Variants in STK4 observed in about 807,000 individuals in gnomAD.
The protein encoded by STK4 is serine/threonine kinase 4, also known as serine/threonine-protein kinase 4.
In STK4, 30 loss-of-function variants were observed where a neutral mutation model predicts 64.9. The observed-to-expected ratio is 0.46, with a 90% confidence interval of 0.35 to 0.63. The LOEUF (loss-of-function observed/expected upper bound fraction) is 0.63. Ranked by LOEUF, STK4 falls within the 20% of genes least tolerant of loss-of-function variation. The pLI is 0.01. For synonymous variants in STK4, 177 were observed against 199.0 expected (o/e 0.89, Z 0.93); for missense variants, 466 against 598.5 (o/e 0.78, Z 2.31).
chr20:45,062,843 A>ATTTTTTTTT (rs35335969), intron 10 of STK4, among the ~76,000 whole-genome samples: 153 of 106,158 alleles, frequency 1.4e-3, no homozygotes, highest in Non-Finnish European at 1.9e-3. Context: ...ACGCCCGGCT[A>ATTTTTTTTT]TTTTTTTTTT....
intron 10 of STK4, among the ~76,000 whole-genome samples, chr20:45,032,014 T>A (rs926357738): frequency 6.6e-6 from 1 of 152,074 alleles, no homozygotes; most frequent in African/African-American, 2.4e-5. Context: ...CTAGAAGATG[T>A]AAGTCATGCA....
intron 1 of STK4, among the ~76,000 whole-genome samples, chr20:44,969,146 C>T (rs1470381953): frequency 6.6e-6 from 1 of 152,162 alleles, no homozygotes; most frequent in Non-Finnish European, 1.5e-5. Flanking sequence ...TCTTTAAAGG[C>T]CTTGTCTCCA....
intron 3 of STK4, among the ~76,000 whole-genome samples, chr20:44,979,770 CT>C (rs796438717): frequency 1.8e-4 from 27 of 151,004 alleles, no homozygotes; most frequent in African/African-American, 5.4e-4. Flanking sequence ...TCTCTCCCTT[CT>C]TTTTTTTTCC....
intron 5 of STK4, among the ~76,000 whole-genome samples, chr20:44,989,881 A>G (rs6103950): frequency 0.065 from 9,869 of 152,164 alleles, 1,054 homozygotes; most frequent in African/African-American, 0.22. Context: ...TATGCCTTCA[A>G]TTCTATTCCA....
At chr20:45,002,901 GA>G (rs566741011) in intron 9 of STK4, among the ~76,000 whole-genome samples, 15 of 151,084 alleles carry the variant, frequency 9.9e-5, no homozygotes, top group Middle Eastern at 6.8e-3. Flanking sequence ...TTTTGGGCAA[GA>G]TTTTTTTTTT....
chr20:45,022,264 T>C (rs143597360), intron 9 of STK4, among the ~76,000 whole-genome samples: 1 of 152,214 alleles, frequency 6.6e-6, no homozygotes, highest in Non-Finnish European at 1.5e-5. Context: ...ATAAAAAAAA[T>C]TCTCTTTTTA....
intron 10 of STK4, among the ~76,000 whole-genome samples, chr20:45,032,436 C>G (rs2068460909): frequency 6.6e-6 from 1 of 152,104 alleles, no homozygotes; most frequent in Non-Finnish European, 1.5e-5. Flanking sequence ...CCTCTGCCCT[C>G]AAGGAAGCCC....
At chr20:44,967,444 T>G (rs1157699743) in intron 1 of STK4, among the ~76,000 whole-genome samples, 1 of 152,184 alleles carries the variant, frequency 6.6e-6, no homozygotes, top group African/African-American at 2.4e-5. Flanking sequence ...CTGGAATTGC[T>G]TTAGTTCAAG....
intron 10 of STK4, among the ~76,000 whole-genome samples, chr20:45,062,331 A>G (rs1490116088): frequency 6.6e-6 from 1 of 152,062 alleles, no homozygotes; most frequent in Non-Finnish European, 1.5e-5. Context: ...TATCCAGTCT[A>G]CCGTTGATGA....
intron 1 of STK4, among the ~76,000 whole-genome samples, chr20:44,971,082 T>TACACACACACACAC (rs142027582): frequency 3.7e-5 from 5 of 136,430 alleles, no homozygotes; most frequent in East Asian, 2.4e-4. Context: ...TTGTGTAGAC[T>TACACACACACACAC]ACACACACAC....
chr20:44,974,470 C>CA (rs1325166205), intron 2 of STK4: 1 of 152,096 alleles, frequency 6.6e-6, no homozygotes, highest in Non-Finnish European at 1.5e-5. Flanking sequence ...ACATGTGACA[C>CA]AATGCTATTC....
intron 8 of STK4, among the ~76,000 whole-genome samples, 183 bp from the exon 9 acceptor site, chr20:45,000,984 T>TA (rs2145696780): frequency 6.6e-6 from 1 of 152,340 alleles, no homozygotes; most frequent in African/African-American, 2.4e-5. Context: ...CACTGCTTAT[T>TA]ATCACGTGGA....
At chr20:45,074,116 G>T (rs1980312266) in intron 10 of STK4, among the ~76,000 whole-genome samples, 1 of 152,192 alleles carries the variant, frequency 6.6e-6, no homozygotes, top group African/African-American at 2.4e-5. Context: ...CTGGGTTTGA[G>T]TCTTGATTCT....
At position 44,980,895 on chromosome 20, in the gene STK4, C is replaced by T. The variant is rs546407284; in HGVS notation, c.246-934C>T. Among the ~76,000 whole-genome samples, 23 of 152,196 alleles carry T rather than the reference C, an allele frequency of 1.5e-4. 1 individual carries two copies. In the South Asian group the frequency reaches 4.1e-3, roughly 27 times the overall value. On this transcript the variant is annotated intron_variant, in intron 3 of 10. Transcript: ENST00000372806. ...ATGTTAGCCAGGATGGTCTCGATCT[C>T]CTGACCTCGGGATCCGCCCACCTCG...
At chr20:44,991,504 C>T (rs911162053) in intron 5 of STK4, among the ~76,000 whole-genome samples, 1 of 152,172 alleles carries the variant, frequency 6.6e-6, no homozygotes, top group African/African-American at 2.4e-5. Context: ...GTGCTCTTTT[C>T]CCCTCATATT....
intron 10 of STK4, among the ~76,000 whole-genome samples, chr20:45,047,702 TC>T (rs1161409911): frequency 6.6e-6 from 1 of 152,228 alleles, no homozygotes; most frequent in Non-Finnish European, 1.5e-5. Context: ...TGTTGGGAAT[TC>T]CCTTGATCGA....
intron 9 of STK4, among the ~76,000 whole-genome samples, chr20:45,003,835 G>A (rs904606348): frequency 1.3e-5 from 2 of 150,580 alleles, no homozygotes; most frequent in African/African-American, 4.9e-5. Flanking sequence ...TCCTGTCTCA[G>A]CCTCCCGAGT....
At chr20:45,031,767 G>C (rs1171468150) in intron 10 of STK4, among the ~76,000 whole-genome samples, 1 of 151,998 alleles carries the variant, frequency 6.6e-6, no homozygotes, top group Non-Finnish European at 1.5e-5. Context: ...GTTGGGCGTG[G>C]TGGCAGATGC....
At chr20:45,037,281 T>C (rs541781489) in intron 10 of STK4, among the ~76,000 whole-genome samples, 8 of 152,170 alleles carry the variant, frequency 5.3e-5, no homozygotes, top group African/African-American at 1.9e-4. Flanking sequence ...GTAATTGAGC[T>C]GGAGCATTAC....
Sources: gnomAD v4.1 joint callset for allele counts (sites outside exome capture counted in the v4.1 genomes callset) on GRCh38, gnomAD v4.1.1 for gene constraint, MANE v1.5 for transcripts, NCBI Gene and HGNC (gene_info 2026-07-23, HGNC 2026-07-21) for gene names.